The following CCDC18 variants were observed in gnomAD, a reference collection of about 807,000 sequenced individuals.
CCDC18 encodes coiled-coil domain containing 18.
A neutral mutation model predicts 196.0 loss-of-function variants in CCDC18; 157 were observed. The ratio of observed to expected loss-of-function variants is 0.80; its 90% CI spans 0.70 to 0.91. The LOEUF (loss-of-function observed/expected upper bound fraction) is 0.91, where lower values mean the gene tolerates loss of function less well. Among genes scored for constraint, CCDC18 ranks in the 40% least tolerant of loss-of-function variants. CCDC18 has a pLI of 0.00. For synonymous variants in CCDC18, 482 were observed against 529.2 expected, an observed-to-expected ratio of 0.91 and a Z score of 1.22; for missense variants, 1,465 against 1,611.6, an observed-to-expected ratio of 0.91 and a Z score of 1.56.
Position 93,214,733 on chromosome 1 carries a change from T to C in CCDC18, c.1496-10T>C, listed in dbSNP as rs376935680. ...CCTATTCAGAACAATTTTCCTTTTATGTTTATTAGCAGAAAGCGTAAAAGA... is the reference window on the plus strand; with the variant it reads ...CCTATTCAGAACAATTTTCCTTTTACGTTTATTAGCAGAAAGCGTAAAAGA... On this transcript the variant is annotated splice_polypyrimidine_tract_variant and intron_variant, in intron 11 of 28. Transcript: ENST00000690025. The C allele has an allele frequency of 6.9e-6, 11 of 1,593,614 alleles. No individual in the cohort carries two copies. Among genetic ancestry groups the C allele is most frequent in the Non-Finnish European group, 9.4e-6 (11 of 1,166,182 alleles).
chr1:93,233,264 C>A (rs1056131622), intron 18 of CCDC18, among the ~76,000 whole-genome samples: 9 of 152,052 alleles, frequency 5.9e-5, no homozygotes, highest in East Asian at 1.9e-4. Context: ...AGGGAAAATA[C>A]CCCTGAAAGT....
chr1:93,220,635 CGTTAA>C (rs1657274483), intron 14 of CCDC18, among the ~76,000 whole-genome samples: 1 of 151,962 alleles, frequency 6.6e-6, no homozygotes, highest in African/African-American at 2.4e-5. Flanking sequence ...TTTCTTCAGC[CGTTAA>C]GTTCAGGGGT....
rs60807198 is a variant in CCDC18, at chr1:93,211,148, C to T, written c.1334+222C>T. Among the ~76,000 whole-genome samples the T allele has an allele frequency of 7.8e-3, 1,182 of 151,958 alleles. 21 individuals are homozygous for T. The highest frequency in any genetic ancestry group is 0.027 in the African/African-American group (1,128 of 41,430). On this transcript the variant is annotated intron_variant, in intron 10 of 28. Transcript: ENST00000690025. ...AAATTAGCCAGGCATGGTGGTGGCA[C>T]GCGCCTGTAATCCCCACTACTTGGG...
intron 25 of CCDC18, among the ~76,000 whole-genome samples, chr1:93,257,674 T>G (rs1232453766): frequency 2.0e-5 from 3 of 152,144 alleles, no homozygotes; most frequent in South Asian, 2.1e-4. Flanking sequence ...TAGAGATATA[T>G]TATACATTTG....
intron 26 of CCDC18, among the ~76,000 whole-genome samples, chr1:93,263,330 T>A (rs1415445528): frequency 2.6e-5 from 4 of 152,192 alleles, no homozygotes; most frequent in Admixed American, 2.6e-4. Flanking sequence ...AATTTTTTTT[T>A]AACTTTTATG....
chr1:93,200,122 C>A (rs1217323898), intron 6 of CCDC18, among the ~76,000 whole-genome samples: 1 of 151,978 alleles, frequency 6.6e-6, no homozygotes, highest in East Asian at 1.9e-4. Flanking sequence ...GTAGCTGGGA[C>A]TACAGGTGTG....
intron 17 of CCDC18, among the ~76,000 whole-genome samples, chr1:93,227,787 C>G (rs564705277): frequency 6.9e-4 from 105 of 151,122 alleles, no homozygotes; most frequent in African/African-American, 2.4e-3. Context: ...AAAACCCCAT[C>G]TCTACAAAAA....
intron 6 of CCDC18, among the ~76,000 whole-genome samples, chr1:93,201,415 C>G (rs1653811867): frequency 6.6e-6 from 1 of 151,984 alleles, no homozygotes; most frequent in Non-Finnish European, 1.5e-5. Flanking sequence ...TTTTTGTTGT[C>G]TAGATTTTTA....
intron 18 of CCDC18, 35 bp downstream of exon 18, chr1:93,232,628 A>G (rs765411853): frequency 2.1e-6 from 3 of 1,442,952 alleles, no homozygotes; most frequent in South Asian, 1.3e-5. Flanking sequence ...TTTTATTTGT[A>G]TGAAATAGAA....
At position 93,180,760 on chromosome 1, in the gene CCDC18, C is replaced by G. The variant is rs1390219750; in HGVS notation, c.-95C>G. 1.5e-6 allele frequency: 2 copies of G among 1,367,490 alleles called. No individual in the cohort carries two copies. Among genetic ancestry groups the G allele is most frequent in the Non-Finnish European group, 2.0e-6 (2 of 1,021,840 alleles). 84.7% of individuals were successfully genotyped at this position (1,367,490 alleles called of 1,614,324 possible). A position where few individuals can be genotyped will look rare whatever the true frequency, so the allele number is the denominator to read the frequency against. ...TGTGCTGCCGGGGTTCGCTGGTTCT[C>G]CGAGTTGTGTCCGAGGCTTCCACGC... On this transcript the variant is annotated 5_prime_UTR_variant, in exon 1 of 29. Coordinates refer to ENST00000690025, the MANE Select transcript of CCDC18 (RefSeq NM_001378204.1).
intron 6 of CCDC18, among the ~76,000 whole-genome samples, chr1:93,198,670 T>C (rs1243718846): frequency 6.6e-6 from 1 of 152,006 alleles, no homozygotes; most frequent in Admixed American, 6.6e-5. Context: ...TTTAAAGAAA[T>C]ATGGTATTGC....
upstream of CCDC18, chr1:93,180,585 G>A (rs991088653): frequency 2.2e-6 from 3 of 1,393,648 alleles, no homozygotes; most frequent in African/African-American, 1.5e-5. Context: ...ATGTAGTCCC[G>A]GGCGGGCTCC....
At chr1:93,183,558 G>T in intron 2 of CCDC18, 63 bp downstream of exon 2, 4 of 1,170,652 alleles carry the variant, frequency 3.4e-6, no homozygotes, top group Non-Finnish European at 3.5e-6. Flanking sequence ...TAAAATGTGT[G>T]GATTTCATTA....
chr1:93,258,689 T>G (rs1196955562), intron 25 of CCDC18, 59 bp from the exon 26 acceptor site: 1 of 1,378,418 alleles, frequency 7.3e-7, no homozygotes, highest in African/African-American at 1.5e-5. Flanking sequence ...TGGATTAGTT[T>G]AGCTATAATA....
chr1:93,227,572 A>G (rs960418325), intron 17 of CCDC18, among the ~76,000 whole-genome samples: 9 of 152,196 alleles, frequency 5.9e-5, no homozygotes, highest in African/African-American at 2.2e-4. Flanking sequence ...GATAATCGTA[A>G]TGAAGAATGT....
intron 23 of CCDC18, among the ~76,000 whole-genome samples, chr1:93,253,071 G>C (rs763926733): frequency 2.6e-5 from 4 of 152,236 alleles, no homozygotes; most frequent in African/African-American, 7.2e-5. Flanking sequence ...AGAGGGGCTG[G>C]AGTTGAGACT....
At chr1:93,252,268 C>T in intron 23 of CCDC18, among the ~76,000 whole-genome samples, 1 of 152,156 alleles carries the variant, frequency 6.6e-6, no homozygotes, top group Non-Finnish European at 1.5e-5. Flanking sequence ...TCTCAAACTC[C>T]TGGGCTCAAG....
intron 7 of CCDC18, among the ~76,000 whole-genome samples, chr1:93,203,956 A>G (rs905597619): frequency 2.6e-5 from 4 of 152,168 alleles, no homozygotes; most frequent in African/African-American, 9.7e-5. Context: ...ACAACCTCTG[A>G]AATGGGAGAA....
intron 13 of CCDC18, among the ~76,000 whole-genome samples, 189 bp downstream of exon 13, chr1:93,216,935 C>CTTTTTTTTTTT: frequency 7.5e-6 from 1 of 132,770 alleles, no homozygotes; most frequent in Non-Finnish European, 1.6e-5. Context: ...CAAGTTTTCT[C>CTTTTTTTTTTT]TTTTTTTTTT....
Sources: allele counts gnomAD v4.1 joint callset (sites outside exome capture counted in the v4.1 genomes callset), GRCh38; gene constraint gnomAD v4.1.1; transcripts MANE v1.5; gene names NCBI Gene and HGNC (gene_info 2026-07-23, HGNC 2026-07-21).